AKAP12: variants seen among roughly 807,000 people sequenced by gnomAD.
AKAP12 encodes A-kinase anchoring protein 12.
Under a neutral mutation model 79.9 loss-of-function variants are expected in AKAP12, and 32 were observed. The ratio of observed to expected loss-of-function variants is 0.40; its 90% confidence interval spans 0.30 to 0.54. The LOEUF (loss-of-function observed/expected upper bound fraction) is 0.54, where lower values mean the gene tolerates loss of function less well. Ranked by LOEUF, AKAP12 falls within the 20% of genes least tolerant of loss-of-function variation. AKAP12 has a pLI of 0.48. For missense variants in AKAP12, 2,074 were observed against 2,177.0 expected (o/e 0.95, Z 0.94); for synonymous variants, 808 against 857.0 (o/e 0.94, Z 1.00).
intron 2 of AKAP12, among the ~76,000 whole-genome samples, chr6:151,270,242 G>A (rs192041960): frequency 2.3e-4 from 35 of 152,292 alleles, no homozygotes; most frequent in Admixed American, 1.6e-3. Context: ...ATTTTTAGTA[G>A]AGATGGAATT....
intron 3 of AKAP12, among the ~76,000 whole-genome samples, chr6:151,346,881 A>G (rs78440335): frequency 0.015 from 2,255 of 152,212 alleles, 56 homozygotes; most frequent in African/African-American, 0.052. Context: ...TTATATCTAT[A>G]TTTATTGACA....
At chr6:151,251,532 T>A (rs117826068) in intron 2 of AKAP12, among the ~76,000 whole-genome samples, 2 of 152,124 alleles carry the variant, frequency 1.3e-5, no homozygotes, top group East Asian at 3.9e-4. Context: ...TTTTAAGAGT[T>A]GGAAGATGGA....
Position 151,349,945 on chromosome 6 carries a change from G to A in AKAP12, c.1554G>A (p.Lys518=). The change falls in exon 4 of 5, where the codon AAG becomes AAA. Residue 518 remains lysine (K), a synonymous_variant. Transcript: ENST00000402676. The part of the protein sequence containing the change: ...RMKVQGSPLK[K]LFTSTGLKKL... ...AGGTGCAGGGAAGTCCACTAAAGAA[G>A]CTTTTTACCAGCACTGGCTTAAAAA... 1 of 1,614,152 alleles carries A rather than the reference G, an allele frequency of 6.2e-7. No individual in the cohort carries two copies. Among genetic ancestry groups the A allele is most frequent in the Non-Finnish European group, 8.5e-7 (1 of 1,180,034 alleles).
At chr6:151,271,985 AAGAT>A (rs1776193173) in intron 2 of AKAP12, among the ~76,000 whole-genome samples, 1 of 152,124 alleles carries the variant, frequency 6.6e-6, no homozygotes. Context: ...GATATCATCT[AAGAT>A]AGAGTTCGTA....
chr6:151,245,426 G>A (rs922824889), intron 2 of AKAP12, among the ~76,000 whole-genome samples: 2 of 151,310 alleles, frequency 1.3e-5, no homozygotes, highest in African/African-American at 4.9e-5. Flanking sequence ...TTTCCGAGTC[G>A]CTGGGATTAC....
At chr6:151,332,656 G>A (rs1167999147) in intron 3 of AKAP12, among the ~76,000 whole-genome samples, 1 of 152,226 alleles carries the variant, frequency 6.6e-6, no homozygotes, top group African/African-American at 2.4e-5. Flanking sequence ...TATGTGGCCT[G>A]TTGGAAGGAT....
chr6:151,251,856 G>A (rs989902925), intron 2 of AKAP12, among the ~76,000 whole-genome samples: 2 of 152,106 alleles, frequency 1.3e-5, no homozygotes, highest in African/African-American at 4.8e-5. Context: ...AATTAGCCAG[G>A]CATGGTGGCA....
intron 3 of AKAP12, chr6:151,325,177 C>T (rs144928548): frequency 8.1e-6 from 8 of 985,332 alleles, no homozygotes; most frequent in Middle Eastern, 5.2e-4. Flanking sequence ...TGTGTGTATG[C>T]GTAAGACACA....
intron 2 of AKAP12, among the ~76,000 whole-genome samples, chr6:151,248,880 G>A (rs1056100419): frequency 1.3e-5 from 2 of 151,984 alleles, no homozygotes; most frequent in Admixed American, 6.6e-5. Flanking sequence ...CCAGCTACTC[G>A]GGAGGCTGAG....
At chr6:151,260,685 A>G (rs1662441103) in intron 2 of AKAP12, among the ~76,000 whole-genome samples, 1 of 152,174 alleles carries the variant, frequency 6.6e-6, no homozygotes, top group African/African-American at 2.4e-5. Context: ...TGAAACGAGA[A>G]TTGATACTGC....
chr6:151,325,605 G>T, intron 3 of AKAP12: 1 of 1,354,462 alleles, frequency 7.4e-7, no homozygotes, highest in Non-Finnish European at 9.5e-7. Flanking sequence ...GCCAGCCCGC[G>T]TGTGGGTGGC....
chr6:151,329,920 C>T (rs1490379581), intron 3 of AKAP12, among the ~76,000 whole-genome samples: 1 of 152,196 alleles, frequency 6.6e-6, no homozygotes, highest in Non-Finnish European at 1.5e-5. Context: ...TGTAGAGTAC[C>T]TTGCAAAAGA....
intron 3 of AKAP12, chr6:151,348,482 T>TA: frequency 1.7e-6 from 1 of 595,628 alleles, no homozygotes; most frequent in South Asian, 1.6e-5. Context: ...CTACAGAAAA[T>TA]AAAAAACTTA....
intron 3 of AKAP12, chr6:151,325,611 G>A (rs1445033824): frequency 7.4e-7 from 1 of 1,360,466 alleles, no homozygotes; most frequent in Non-Finnish European, 9.5e-7. Flanking sequence ...CCGCGTGTGG[G>A]TGGCTGGGTG....
At chr6:151,257,526 A>G (rs1287230892) in intron 2 of AKAP12, among the ~76,000 whole-genome samples, 1 of 152,052 alleles carries the variant, frequency 6.6e-6, no homozygotes, top group East Asian at 1.9e-4. Context: ...TGAACTCCTG[A>G]CCTCAAGCGA....
chr6:151,265,268 T>C (rs1426045366), intron 2 of AKAP12, among the ~76,000 whole-genome samples: 1 of 151,500 alleles, frequency 6.6e-6, no homozygotes, highest in Non-Finnish European at 1.5e-5. Flanking sequence ...ACATACCATA[T>C]AGTTTACCCC....
rs756118987 is a variant in AKAP12 at position 151,352,973 on chromosome 6, G to A, written c.4582G>A (p.Val1528Ile). Residue 1528 changes from valine to isoleucine, a missense_variant, in exon 4 of 5, where the codon GTA becomes ATA. By Grantham distance (29) the Val-to-Ile change is conservative (BLOSUM62 3). This residue lies in a region of AKAP12 where 614 missense variants were observed against 665.6 expected (regional missense o/e 0.92). Transcript: ENST00000402676. The stretch of plus-strand genomic sequence containing the variant: ...TGCTTGCCAGGAGGTCAAAGTGAGT[G>A]TAGCAATTGAGGATTTAGAGCCTGA... ...QVACQEVKVS[V>I]AIEDLEPENG... 4.6e-6 allele frequency: 7 copies of A among 1,526,190 alleles called. No individual in the cohort carries two copies. In the South Asian group the frequency reaches 6.7e-5, roughly 15 times the overall value. 94.5% of individuals were successfully genotyped at this position (1,526,190 alleles called of 1,614,324 possible).
Position 151,352,223 on chromosome 6 carries a change from G to C in AKAP12, c.3832G>C (p.Val1278Leu), listed in dbSNP as rs538636018. ...GTATGCTGATGAGAAAACCAAAGAC[G>C]TACCATTTTTCGAAGGACTTGAGGG... The part of the protein sequence containing the change: ...DQYADEKTKD[V>L]PFFEGLEGSI... Residue 1278 changes from valine to leucine, a missense_variant, in exon 4 of 5, where the codon GTA becomes CTA. Val to Leu is a conservative substitution (Grantham distance 32). Coordinates refer to ENST00000402676, the MANE Select transcript of AKAP12 (RefSeq NM_005100.4). The C allele has an allele frequency of 1.2e-6, 2 of 1,614,160 alleles. No homozygotes were observed. Among genetic ancestry groups the C allele is most frequent in the South Asian group, 2.2e-5 (2 of 91,088 alleles).
chr6:151,307,512 C>T (rs1777000735), intron 3 of AKAP12, among the ~76,000 whole-genome samples: 1 of 152,156 alleles, frequency 6.6e-6, no homozygotes, highest in Admixed American at 6.5e-5. Context: ...ACTATGCCAC[C>T]AAAGGGGTGC....
Sources: gnomAD v4.1 joint callset for allele counts (sites outside exome capture counted in the v4.1 genomes callset) on GRCh38, gnomAD v4.1.1 for gene constraint, gnomAD v4.1.1 regional missense constraint, MANE v1.5 for transcripts, NCBI Gene and HGNC (gene_info 2026-07-23, HGNC 2026-07-21) for gene names.